The following UBXN2A variants were observed in gnomAD, a reference collection of about 807,000 sequenced individuals.
UBXN2A encodes the protein UBX domain protein 2A.
Under a neutral mutation model 28.4 loss-of-function variants are expected in UBXN2A, and 28 were observed. The observed-to-expected ratio is 0.99, with a 90% CI of 0.73 to 1.35. The LOEUF (loss-of-function observed/expected upper bound fraction) is 1.35, where lower values mean the gene tolerates loss of function less well. Ranked by LOEUF, UBXN2A falls within the 40% of genes most tolerant of loss-of-function variation. The probability of loss-of-function intolerance (pLI) is 0.00; values close to 1 mark genes in which losing one functional copy is unlikely to be tolerated. For missense variants in UBXN2A, 253 were observed against 297.9 expected, an observed-to-expected ratio of 0.85 and a Z score of 1.11; for synonymous variants, 97 against 103.6, an observed-to-expected ratio of 0.94 and a Z score of 0.39.
chr2:23,982,933 G>A lies in UBXN2A; in HGVS notation c.325G>A (p.Glu109Lys). Residue 109 changes from glutamate (E) to lysine (K), a missense_variant, in exon 5 of 7, where the codon GAA becomes AAA. Coordinates refer to ENST00000309033, the MANE Select transcript of UBXN2A (RefSeq NM_181713.4). ...PSELQGIFDK[E>K]EVDVKVEDKK... ...AGAATTACAGGGAATTTTTGATAAAGAAGAGGTGGACGTTAAAGTTGAAGA... is the reference window on the plus strand; with the variant it reads ...AGAATTACAGGGAATTTTTGATAAAAAAGAGGTGGACGTTAAAGTTGAAGA... 1 of 1,609,872 alleles carries A rather than the reference G, an allele frequency of 6.2e-7. No homozygotes were observed. The highest frequency in any genetic ancestry group is 8.5e-7 in the Non-Finnish European group (1 of 1,177,964).
intron 1 of UBXN2A, among the ~76,000 whole-genome samples, chr2:23,928,323 C>G (rs1465702939): frequency 6.6e-6 from 1 of 152,230 alleles, no homozygotes; most frequent in Non-Finnish European, 1.5e-5. Context: ...CGCCTGTAAT[C>G]CCAGCACTTT....
chr2:23,944,062 A>G (rs547978655), intron 1 of UBXN2A: 2 of 608,212 alleles, frequency 3.3e-6, no homozygotes, highest in Non-Finnish European at 6.3e-6. Context: ...ATCTGCCACC[A>G]TGGCTCTGGT....
At chr2:23,978,495 T>G (rs533825555) in intron 4 of UBXN2A, among the ~76,000 whole-genome samples, 7 of 150,204 alleles carry the variant, frequency 4.7e-5, no homozygotes, top group Non-Finnish European at 1.0e-4. Flanking sequence ...TACAAAAAAA[T>G]TAGCCAGGTG....
At position 24,003,724 on chromosome 2, in the gene UBXN2A, C is replaced by CAAAAAAA. The variant is rs557412114; in HGVS notation, c.*3871_*3877dup. 2.4e-5 allele frequency: 1 copy of CAAAAAAA among 42,330 alleles called. No homozygotes were observed. The highest frequency in any genetic ancestry group is 4.9e-5 in the Non-Finnish European group (1 of 20,424). The allele number at this position is 42,330 out of a possible 1,614,324, so 2.6% of individuals were successfully genotyped here. Reference sequence around the variant, plus strand: ...AGTGAAACAAAAATAATGTTCTTACCAAAAAAAAAAAAAAAAAAAAGAGGC... The same window carrying CAAAAAAA: ...AGTGAAACAAAAATAATGTTCTTACCAAAAAAAAAAAAAAAAAAAAAAAAAAAGAGGC... On this transcript the variant is annotated 3_prime_UTR_variant, in exon 7 of 7. Coordinates refer to ENST00000309033, the MANE Select transcript of UBXN2A (RefSeq NM_181713.4).
chr2:23,963,156 C>T (rs1358073976), intron 2 of UBXN2A, among the ~76,000 whole-genome samples: 1 of 152,158 alleles, frequency 6.6e-6, no homozygotes, highest in Non-Finnish European at 1.5e-5. Flanking sequence ...CCTCCCACAA[C>T]ACATGGGAAT....
intron 2 of UBXN2A, among the ~76,000 whole-genome samples, chr2:23,968,224 T>A (rs2150860334): frequency 6.6e-6 from 1 of 152,346 alleles, no homozygotes; most frequent in Non-Finnish European, 1.5e-5. Flanking sequence ...AAGCTTTTTC[T>A]TCATCTATTA....
At chr2:23,935,026 G>A (rs960565048) in intron 1 of UBXN2A, among the ~76,000 whole-genome samples, 2 of 152,120 alleles carry the variant, frequency 1.3e-5, no homozygotes, top group Non-Finnish European at 2.9e-5. Flanking sequence ...AGTGAGCCGA[G>A]ATCGCACCAC....
chr2:23,929,572 G>C (rs1705309680), intron 1 of UBXN2A, among the ~76,000 whole-genome samples: 1 of 151,940 alleles, frequency 6.6e-6, no homozygotes, highest in Non-Finnish European at 1.5e-5. Flanking sequence ...AATTAGCCAG[G>C]CATGGTGGCA....
intron 2 of UBXN2A, among the ~76,000 whole-genome samples, chr2:23,958,939 C>A (rs1706770463): frequency 1.3e-5 from 2 of 152,016 alleles, no homozygotes; most frequent in South Asian, 4.1e-4. Flanking sequence ...TTCCTGGGGA[C>A]AAGTGATCAT....
At chr2:23,974,790 T>G (rs1707586417) in intron 3 of UBXN2A, among the ~76,000 whole-genome samples, 1 of 152,116 alleles carries the variant, frequency 6.6e-6, no homozygotes, top group Non-Finnish European at 1.5e-5. Flanking sequence ...CCAGCCTGGC[T>G]AACGTGCTGA....
At chr2:23,973,780 G>A (rs565630135) in intron 3 of UBXN2A, among the ~76,000 whole-genome samples, 57 of 151,590 alleles carry the variant, frequency 3.8e-4, no homozygotes, top group African/African-American at 1.3e-3. Context: ...TTACAGGCAT[G>A]CACCACCACG....
chr2:23,943,176 C>T (rs975922363), intron 1 of UBXN2A, among the ~76,000 whole-genome samples: 5 of 151,768 alleles, frequency 3.3e-5, no homozygotes, highest in East Asian at 1.9e-4. Context: ...AGGCTGGTCT[C>T]GAACTCCAGA....
intron 1 of UBXN2A, among the ~76,000 whole-genome samples, chr2:23,955,049 C>T (rs2150827040): frequency 6.6e-6 from 1 of 151,684 alleles, no homozygotes; most frequent in African/African-American, 2.4e-5. Flanking sequence ...TCTCCTGCCT[C>T]AGCCTCCTGA....
At position 23,928,871 on chromosome 2, in the gene UBXN2A, C is replaced by T. The variant is rs1165441774; in HGVS notation, c.-138+1256C>T. ...CCACATCCTCTCCTGGACACTTCACCTGCCACTTAGAGTTGATGTCTTAAT... is the reference window on the plus strand; with the variant it reads ...CCACATCCTCTCCTGGACACTTCACTTGCCACTTAGAGTTGATGTCTTAAT... On this transcript the variant is annotated intron_variant, in intron 1 of 7. Transcript: ENST00000404924. Among the ~76,000 whole-genome samples, 9 of 152,168 alleles carry T rather than the reference C, an allele frequency of 5.9e-5. No individual in the cohort carries two copies. In the East Asian group the frequency reaches 1.7e-3, roughly 29 times the overall value.
At position 23,964,240 on chromosome 2, in the gene UBXN2A, C is replaced by T. The variant is rs1044435056; in HGVS notation, c.41+5885C>T. ...CCTTTTTTTTTTTGAGACAGAGTTT[C>T]GCTCTTCTTGCCCAGGCTGGAGTGC... On this transcript the variant is annotated intron_variant, in intron 2 of 6. Transcript: ENST00000309033. Among the ~76,000 whole-genome samples the T allele has an allele frequency of 4.7e-5, 7 of 150,174 alleles. No individual in the cohort carries two copies. In the East Asian group the frequency reaches 5.8e-4, roughly 12 times the overall value.
At chr2:23,967,790 G>T (rs1169952492) in intron 2 of UBXN2A, among the ~76,000 whole-genome samples, 1 of 152,128 alleles carries the variant, frequency 6.6e-6, no homozygotes, top group African/African-American at 2.4e-5. Context: ...CATTGCTTTG[G>T]AAAAGGCATA....
intron 1 of UBXN2A, among the ~76,000 whole-genome samples, chr2:23,949,116 C>CTTTTTT (rs1223944833): frequency 1.5e-4 from 19 of 127,056 alleles, no homozygotes; most frequent in Non-Finnish European, 2.0e-4. Flanking sequence ...ATTTTTTTTT[C>CTTTTTT]TTTTTTTTTT....
chr2:23,988,841 T>C (rs1312414777), intron 6 of UBXN2A, among the ~76,000 whole-genome samples: 2 of 152,222 alleles, frequency 1.3e-5, no homozygotes, highest in East Asian at 1.9e-4. Flanking sequence ...TATTTTGATA[T>C]GCACATTGTC....
intron 2 of UBXN2A, among the ~76,000 whole-genome samples, chr2:23,966,898 C>T (rs553575930): frequency 3.3e-5 from 5 of 151,840 alleles, no homozygotes; most frequent in Admixed American, 6.6e-5. Flanking sequence ...GCTGGGGCTA[C>T]AGGTGTGCAC....
Sources: gnomAD v4.1 joint callset for allele counts (sites outside exome capture counted in the v4.1 genomes callset) on GRCh38, gnomAD v4.1.1 for gene constraint, MANE v1.5 for transcripts, NCBI Gene and HGNC (gene_info 2026-07-23, HGNC 2026-07-21) for gene names.